MARCHF1: variants seen among roughly 807,000 people sequenced by gnomAD.
The protein encoded by MARCHF1 is E3 ubiquitin-protein ligase MARCHF1.
MARCHF1 carries 40 observed loss-of-function variants against 54.2 expected under a neutral mutation model. The observed-to-expected ratio is 0.74, with a 90% CI of 0.57 to 0.96. MARCHF1 has a LOEUF of 0.96. Among genes scored for constraint, MARCHF1 ranks in the 40% least tolerant of loss-of-function variants. MARCHF1 has a pLI of 0.00. For synonymous variants in MARCHF1, 236 were observed against 236.3 expected, an observed-to-expected ratio of 1.00 and a Z score of 0.01; for missense variants, 586 against 656.5, an observed-to-expected ratio of 0.89 and a Z score of 1.17.
intron 3 of MARCHF1, among the ~76,000 whole-genome samples, chr4:163,962,918 A>T (rs982633612): frequency 3.3e-5 from 5 of 151,886 alleles, no homozygotes; most frequent in Admixed American, 2.6e-4. Flanking sequence ...TGATCCCATA[A>T]CGTAAGTACT....
chr4:163,846,114 T>C (rs1419734792), intron 4 of MARCHF1, among the ~76,000 whole-genome samples: 1 of 152,192 alleles, frequency 6.6e-6, no homozygotes, highest in Non-Finnish European at 1.5e-5. Context: ...AAAGGCTTTG[T>C]AATAGCAATT....
At chr4:163,721,298 T>C (rs941338185) in intron 4 of MARCHF1, among the ~76,000 whole-genome samples, 5 of 152,248 alleles carry the variant, frequency 3.3e-5, no homozygotes, top group Non-Finnish European at 7.3e-5. Flanking sequence ...CTGTGGTTTT[T>C]GTCTTTGGTT....
intron 1 of MARCHF1, among the ~76,000 whole-genome samples, chr4:164,259,544 C>CAAA (rs141030578): frequency 8.2e-4 from 48 of 58,826 alleles, no homozygotes; most frequent in East Asian, 1.1e-3. Flanking sequence ...GACCGTGTCT[C>CAAA]AAAAAAAAAA....
chr4:164,347,458 T>TA (rs1451783107), intron 1 of MARCHF1, among the ~76,000 whole-genome samples: 1 of 152,168 alleles, frequency 6.6e-6, no homozygotes, highest in Non-Finnish European at 1.5e-5. Context: ...GGGCTTGACA[T>TA]ACCCTCTGCA....
chr4:164,262,269 T>A lies in MARCHF1; in HGVS notation c.-323+121601A>T, dbSNP rs1236289369. ...ATGTGCAGACTTGGGAGGAAAAATATGCCTCAACCTATCAAAATTGGATCC... is the reference window on the plus strand; with the variant it reads ...ATGTGCAGACTTGGGAGGAAAAATAAGCCTCAACCTATCAAAATTGGATCC... On this transcript the variant is annotated intron_variant, in intron 1 of 9. Coordinates refer to ENST00000514618, the MANE Select transcript of MARCHF1 (RefSeq NM_001394959.1). Among the ~76,000 whole-genome samples, 3 of 152,102 alleles carry A rather than the reference T, an allele frequency of 2.0e-5. No individual in the cohort carries two copies. In the East Asian group the frequency reaches 5.8e-4, roughly 29 times the overall value.
At chr4:163,603,933 T>C (rs1741060361) in intron 7 of MARCHF1, among the ~76,000 whole-genome samples, 1 of 152,012 alleles carries the variant, frequency 6.6e-6, no homozygotes, top group South Asian at 2.1e-4. Context: ...AAACAAAAAC[T>C]AAAAAGGCCT....
At chr4:164,124,959 A>T (rs765160754) in intron 1 of MARCHF1, among the ~76,000 whole-genome samples, 54 of 152,200 alleles carry the variant, frequency 3.5e-4, no homozygotes, top group Non-Finnish European at 6.8e-4. Context: ...AACTCAAAGG[A>T]CAAATGCTTG....
At chr4:163,923,462 A>G (rs148322967) in intron 3 of MARCHF1, among the ~76,000 whole-genome samples, 99 of 152,222 alleles carry the variant, frequency 6.5e-4, no homozygotes, top group Admixed American at 1.8e-3. Context: ...TGGAAAATAT[A>G]AAGTAGTTCT....
At chr4:164,007,345 CAAAAAA>C (rs56306052) in intron 2 of MARCHF1, among the ~76,000 whole-genome samples, 6 of 81,764 alleles carry the variant, frequency 7.3e-5, no homozygotes, top group African/African-American at 3.0e-4. Flanking sequence ...GACTCCATCT[CAAAAAA>C]AAAAAAAAAA....
chr4:163,841,740 G>A (rs1197072927), intron 4 of MARCHF1, among the ~76,000 whole-genome samples: 2 of 152,068 alleles, frequency 1.3e-5, no homozygotes, highest in Non-Finnish European at 2.9e-5. Flanking sequence ...ATAAAGTTTG[G>A]TTGGTATGAC....
chr4:163,643,158 C>CA (rs34228966), intron 5 of MARCHF1, among the ~76,000 whole-genome samples: 2,037 of 104,118 alleles, frequency 0.02, 26 homozygotes, highest in Middle Eastern at 0.052. Flanking sequence ...ACTATAAATA[C>CA]AAAAAAAAAA....
chr4:163,867,320 G>A (rs1750074537), intron 3 of MARCHF1, among the ~76,000 whole-genome samples: 1 of 151,766 alleles, frequency 6.6e-6, no homozygotes. Flanking sequence ...TGTATTATCA[G>A]TTATTCTTGC....
rs1738161628 is a variant in MARCHF1, at chr4:163,527,560, T to TAGAG, written c.*1184_*1187dup. On this transcript the variant is annotated 3_prime_UTR_variant, in exon 10 of 10. Transcript: ENST00000514618. ...TCTATACTTTTGGATTTTTACCCTTTAGAGATGTGAACTTCATCTGACTTT... is the reference window on the plus strand; with the variant it reads ...TCTATACTTTTGGATTTTTACCCTTTAGAGAGAGATGTGAACTTCATCTGACTTT... The TAGAG allele has an allele frequency of 6.6e-6, 1 of 152,116 alleles. No homozygotes were observed. Among genetic ancestry groups the TAGAG allele is most frequent in the African/African-American group, 2.4e-5 (1 of 41,460 alleles). 9.4% of individuals were successfully genotyped at this position (152,116 alleles called of 1,614,324 possible).
At chr4:163,792,705 G>C (rs1032649507) in intron 4 of MARCHF1, among the ~76,000 whole-genome samples, 1 of 152,050 alleles carries the variant, frequency 6.6e-6, no homozygotes, top group African/African-American at 2.4e-5. Context: ...TCTATATATG[G>C]AAATTAGAAT....
intron 7 of MARCHF1, among the ~76,000 whole-genome samples, chr4:163,586,478 G>C (rs940826738): frequency 6.6e-6 from 1 of 152,088 alleles, no homozygotes; most frequent in Non-Finnish European, 1.5e-5. Flanking sequence ...AACACTTCTA[G>C]CACCAGCCAT....
chr4:163,668,984 A>T (rs1435899346), intron 5 of MARCHF1, among the ~76,000 whole-genome samples: 1 of 152,180 alleles, frequency 6.6e-6, no homozygotes, highest in African/African-American at 2.4e-5. Context: ...CTGAAAGTTC[A>T]TGGAGCTTCT....
At chr4:163,969,174 G>C (rs1222417438) in intron 3 of MARCHF1, among the ~76,000 whole-genome samples, 1 of 152,178 alleles carries the variant, frequency 6.6e-6, no homozygotes, top group Non-Finnish European at 1.5e-5. Flanking sequence ...TACACTGCCA[G>C]AGAAAGGAAG....
intron 3 of MARCHF1, among the ~76,000 whole-genome samples, chr4:163,931,247 T>C (rs1751666988): frequency 6.6e-6 from 1 of 152,156 alleles, no homozygotes; most frequent in Non-Finnish European, 1.5e-5. Context: ...ACCCTGTCTA[T>C]GGTATTTTTA....
At chr4:163,647,087 A>G (rs988174395) in intron 5 of MARCHF1, among the ~76,000 whole-genome samples, 15 of 152,094 alleles carry the variant, frequency 9.9e-5, no homozygotes, top group Non-Finnish European at 2.1e-4. Context: ...TGCAAACGGA[A>G]ATGAAGACGT....
Sources: allele counts gnomAD v4.1 joint callset (sites outside exome capture counted in the v4.1 genomes callset), GRCh38; gene constraint gnomAD v4.1.1; transcripts MANE v1.5; gene names NCBI Gene and HGNC (gene_info 2026-07-23, HGNC 2026-07-21).